The following SCN9A variants were observed in gnomAD, a reference collection of about 807,000 sequenced individuals.
The protein encoded by SCN9A is sodium voltage-gated channel alpha subunit 9.
Under a neutral mutation model 187.0 loss-of-function variants are expected in SCN9A, and 131 were observed. The ratio of observed to expected loss-of-function variants is 0.70; its 90% CI spans 0.61 to 0.81. The LOEUF (loss-of-function observed/expected upper bound fraction) is 0.81, where lower values mean the gene tolerates loss of function less well. Ranked by LOEUF, SCN9A falls within the 30% of genes least tolerant of loss-of-function variation. The pLI is 0.00. For missense variants in SCN9A, 2,252 were observed against 2,396.6 expected (o/e 0.94, Z 1.26); for synonymous variants, 809 against 808.6 (o/e 1.00, Z -0.01).
At chr2:166,271,979 T>A (rs937465554) in intron 17 of SCN9A, among the ~76,000 whole-genome samples, 6 of 151,786 alleles carry the variant, frequency 4.0e-5, no homozygotes, top group African/African-American at 1.5e-4. Flanking sequence ...ATAAGTAAAC[T>A]AGAGTAAATG....
At chr2:166,266,171 T>C (rs1254001046) in intron 17 of SCN9A, among the ~76,000 whole-genome samples, 1 of 151,964 alleles carries the variant, frequency 6.6e-6, no homozygotes, top group Non-Finnish European at 1.5e-5. Context: ...CCCCTGTTTT[T>C]TTTCTTCTCT....
In SCN9A at chr2:166,272,502, G is replaced by T. The variant is rs1448919051; in HGVS notation, c.3248C>A (p.Pro1083His). Reference sequence around the variant, plus strand: ...AATTGGCACTGTCACTGTGAGGCTGGGATTGTGAATAAATGATTGACCATC... The same window carrying T: ...AATTGGCACTGTCACTGTGAGGCTGTGATTGTGAATAAATGATTGACCATC... ...DSDGQSFIHN[P>H]SLTVTVPIAP... The change falls in exon 17 of 27, where the codon CCC becomes CAC. Residue 1083 changes from proline (P) to histidine (H), a missense_variant. Around this residue, in one of 7 missense-constraint regions of SCN9A, gnomAD observed 313 missense variants for 295.3 expected, o/e 1.06. Transcript: ENST00000642356. 1 of 1,613,144 alleles carries T rather than the reference G, an allele frequency of 6.2e-7. No homozygotes were observed. The highest frequency in any genetic ancestry group is 1.7e-5 in the Admixed American group (1 of 59,878).
chr2:166,211,122 A>C (rs1326492829), intron 24 of SCN9A, among the ~76,000 whole-genome samples: 2 of 152,210 alleles, frequency 1.3e-5, no homozygotes, highest in Non-Finnish European at 2.9e-5. Context: ...CCAAAAGTGA[A>C]AGGGAAGTTT....
At chr2:166,282,965 T>G (rs1292488604) in intron 12 of SCN9A, among the ~76,000 whole-genome samples, 1 of 152,152 alleles carries the variant, frequency 6.6e-6, no homozygotes, top group Non-Finnish European at 1.5e-5. Context: ...TTATGCAGTG[T>G]TTTCATATAA....
intron 7 of SCN9A, chr2:166,298,684 G>A (rs959885015): frequency 3.3e-5 from 5 of 152,056 alleles, no homozygotes; most frequent in African/African-American, 4.8e-5. Flanking sequence ...GTCACTCTTT[G>A]TACAGCTTAA....
At chr2:166,361,790 A>G (rs376937738) in intron 1 of SCN9A, among the ~76,000 whole-genome samples, 9 of 152,252 alleles carry the variant, frequency 5.9e-5, no homozygotes, top group African/African-American at 1.7e-4. Context: ...CCAGCAAGAT[A>G]CAAGGAACAT....
rs1559013008 is a variant in SCN9A at position 166,286,612 on chromosome 2, C to CGCTGCA, written c.1320_1325dup (p.Ala444_Ala445dup). On this transcript the variant is annotated inframe_insertion, in exon 11 of 27. Coordinates refer to ENST00000642356, the MANE Select transcript of SCN9A (RefSeq NM_001365536.1). Reference sequence around the variant, plus strand: ...TAATACTTGTATATTCAGCCGCTGCCGCTGCAATTGCCTGGTTGGGCCAAG... The same window carrying CGCTGCA: ...TAATACTTGTATATTCAGCCGCTGCCGCTGCAGCTGCAATTGCCTGGTTGGGCCAAG... 2.6e-6 allele frequency: 4 copies of CGCTGCA among 1,548,540 alleles called. No homozygotes were observed. The highest frequency in any genetic ancestry group is 3.5e-6 in the Non-Finnish European group (4 of 1,152,494).
At position 166,303,130 on chromosome 2, in the gene SCN9A, T is replaced by G; in HGVS notation, c.861A>C (p.Glu287Asp). ...CACTCTCTAGGGTATTCATTATGCT[T>G]TCTAATGTTTCATTATTTTCAAGTG... ...RNSLENNETL[E>D]SIMNTLESEE... The change falls in exon 7 of 27, where the codon GAA (glutamate) becomes GAC (aspartate). Residue 287 changes from glutamate to aspartate, a missense_variant. Physicochemically the swap from Glu to Asp is conservative, Grantham distance 45. Around this residue, in one of 7 missense-constraint regions of SCN9A, gnomAD observed 1,013 missense variants for 997.4 expected, o/e 1.02. Transcript: ENST00000642356. The G allele has an allele frequency of 6.2e-7, 1 of 1,609,478 alleles. No individual in the cohort carries two copies. The highest frequency in any genetic ancestry group is 8.5e-7 in the Non-Finnish European group (1 of 1,177,106).
At chr2:166,230,684 G>T (rs1695045180) in intron 21 of SCN9A, among the ~76,000 whole-genome samples, 1 of 152,076 alleles carries the variant, frequency 6.6e-6, no homozygotes, top group African/African-American at 2.4e-5. Flanking sequence ...GTATATTCCT[G>T]TATCATTATG....
intron 22 of SCN9A, among the ~76,000 whole-genome samples, chr2:166,228,325 T>C (rs186350895): frequency 0.02 from 2,929 of 147,872 alleles, 112 homozygotes; most frequent in African/African-American, 0.07. Flanking sequence ...GGCACGATCT[T>C]GGCCCACTGC....
intron 17 of SCN9A, among the ~76,000 whole-genome samples, chr2:166,259,000 G>T (rs1316248238): frequency 2.0e-5 from 3 of 151,584 alleles, no homozygotes; most frequent in African/African-American, 7.3e-5. Context: ...AATCACTTAA[G>T]CACATGAAGG....
At position 166,304,265 on chromosome 2, in the gene SCN9A, C is replaced by A; in HGVS notation, c.661G>T (p.Ala221Ser). The A allele has an allele frequency of 6.2e-7, 1 of 1,613,504 alleles. No individual in the cohort carries two copies. The highest frequency in any genetic ancestry group is 2.2e-5 in the East Asian group (1 of 44,868). ...GGGATTACAGAAATAGTTTTCAAAGCTCTCAATACTCTGAAAGTTCGAAGA... is the reference window on the plus strand; with the variant it reads ...GGGATTACAGAAATAGTTTTCAAAGATCTCAATACTCTGAAAGTTCGAAGA... ...SALRTFRVLR[A>S]LKTISVIPGL... The change falls in exon 6 of 27, where the codon GCT (alanine) becomes TCT (serine). Residue 221 changes from alanine (A) to serine (S), a missense_variant. This residue lies in a region of SCN9A where 1,013 missense variants were observed against 997.4 expected (regional missense o/e 1.02). Transcript: ENST00000642356.
chr2:166,250,623 A>G (rs945302948), intron 18 of SCN9A, among the ~76,000 whole-genome samples: 1 of 152,126 alleles, frequency 6.6e-6, no homozygotes, highest in East Asian at 1.9e-4. Context: ...ATGATACAAT[A>G]CTTGTTCAGA....
At chr2:166,347,461 G>A (rs1699927715) in intron 1 of SCN9A, among the ~76,000 whole-genome samples, 1 of 152,178 alleles carries the variant, frequency 6.6e-6, no homozygotes, top group African/African-American at 2.4e-5. Context: ...CACCCTGGGA[G>A]ATCAACATGC....
intron 19 of SCN9A, 63 bp downstream of exon 19, chr2:166,242,439 T>C (rs1216016129): frequency 2.3e-6 from 3 of 1,327,696 alleles, no homozygotes; most frequent in Non-Finnish European, 2.0e-6. Flanking sequence ...ATTTTTATCT[T>C]TTAGCTCATT....
intron 1 of SCN9A, among the ~76,000 whole-genome samples, chr2:166,347,067 C>G (rs1020512679): frequency 1.1e-4 from 16 of 152,156 alleles, no homozygotes; most frequent in African/African-American, 3.6e-4. Flanking sequence ...GCCTTGTCCA[C>G]TTTTTAAAAT....
At chr2:166,336,360 A>G (rs1447896543) in intron 1 of SCN9A, among the ~76,000 whole-genome samples, 1 of 152,138 alleles carries the variant, frequency 6.6e-6, no homozygotes, top group Non-Finnish European at 1.5e-5. Flanking sequence ...CAAAGCCAAT[A>G]AAGGGTGCAG....
At chr2:166,294,463 G>A (rs953780351) in intron 8 of SCN9A, 136 bp downstream of exon 8, 62 of 578,984 alleles carry the variant, frequency 1.1e-4, no homozygotes, top group Non-Finnish European at 1.8e-4. Context: ...GATTTGCTGT[G>A]GGACAGAATG....
intron 1 of SCN9A, among the ~76,000 whole-genome samples, chr2:166,351,588 T>C (rs1027365419): frequency 6.6e-6 from 1 of 152,180 alleles, no homozygotes; most frequent in Non-Finnish European, 1.5e-5. Context: ...CCTGACTTTG[T>C]GGTTTCAGAG....
Sources: allele counts gnomAD v4.1 joint callset (sites outside exome capture counted in the v4.1 genomes callset), GRCh38; gene constraint gnomAD v4.1.1; regional missense constraint gnomAD v4.1.1; transcripts MANE v1.5; gene names NCBI Gene and HGNC (gene_info 2026-07-23, HGNC 2026-07-21).